Variants in DCX observed in about 807,000 individuals in gnomAD.
The protein encoded by DCX is doublecortin.
DCX carries 4 observed loss-of-function variants against 20.9 expected under a neutral mutation model. That is an observed-to-expected ratio of 0.19 (90% confidence interval 0.09 to 0.44). DCX has a LOEUF of 0.44. Ranked by LOEUF, DCX falls within the 20% of genes least tolerant of loss-of-function variation. DCX has a pLI of 0.99. For synonymous variants in DCX, 103 were observed against 111.4 expected (o/e 0.92, Z 0.47); for missense variants, 133 against 296.9 (o/e 0.45, Z 4.06).
rs901802751 is a variant in DCX at position 111,300,177 on chromosome X, G to T, written c.*1510C>A. 3.4e-4 allele frequency: 38 copies of T among 111,808 alleles called. No homozygotes were observed. The highest frequency in any genetic ancestry group is 1.1e-3 in the African/African-American group (35 of 30,699). 9.2% of individuals were successfully genotyped at this position (111,808 alleles called of 1,213,427 possible). ...AAGAAATAAGGAAATCTTCATATCT[G>T]CTAAAAGCAAACACAGAATTGGCAT... On this transcript the variant is annotated 3_prime_UTR_variant, in exon 7 of 7. Transcript: ENST00000636035.
rs756999424 is a variant in DCX at position 111,294,807 on chromosome X, T to G, written c.*6880A>C. Reference sequence around the variant, plus strand: ...CCATGCATTTACTCTCCAAAGCTAGTCACTAGCAAGCTAACACCTCTAACA... The same window carrying G: ...CCATGCATTTACTCTCCAAAGCTAGGCACTAGCAAGCTAACACCTCTAACA... On this transcript the variant is annotated 3_prime_UTR_variant, in exon 7 of 7. Transcript: ENST00000636035. The G allele has an allele frequency of 2.7e-5, 3 of 112,119 alleles. No homozygotes were observed. Among genetic ancestry groups the G allele is most frequent in the Admixed American group, 9.5e-5 (1 of 10,525 alleles). The allele number at this position is 112,119 out of a possible 1,213,427, so 9.2% of individuals were successfully genotyped here. A position where few individuals can be genotyped will look rare whatever the true frequency, so the allele number is the denominator to read the frequency against.
chrX:111,403,888 A>C (rs1377716314), intron 2 of DCX, among the ~76,000 whole-genome samples: 1 of 109,893 alleles, frequency 9.1e-6, no homozygotes, highest in Non-Finnish European at 1.9e-5. Flanking sequence ...TCTACTAAAA[A>C]TACAAAAATT....
intron 3 of DCX, among the ~76,000 whole-genome samples, chrX:111,389,430 T>C (rs1353452776): frequency 1.8e-5 from 2 of 111,456 alleles, no homozygotes; most frequent in African/African-American, 6.5e-5. Flanking sequence ...TAACTACCAT[T>C]GTTTGAAGAT....
rs769473765 is a variant in DCX at position 111,376,891 on chromosome X, AAAT to A, written c.705+24096_705+24098del. 3.6e-5 allele frequency among the ~76,000 whole-genome samples: 4 copies of A among 112,454 alleles called. No homozygotes were observed. The East Asian group carries it at 1.1e-3, about 32-fold the overall frequency. On this transcript the variant is annotated intron_variant, in intron 3 of 6. Transcript: ENST00000636035. ...AGTAGTTAGGGTTGCCAGATTTACCAAATAAAAATACAGGATGCCCAGTTAAAT... is the reference window on the plus strand; with the variant it reads ...AGTAGTTAGGGTTGCCAGATTTACCAAAAAATACAGGATGCCCAGTTAAAT...
At chrX:111,318,265 G>C (rs372056838) in intron 5 of DCX, among the ~76,000 whole-genome samples, 1 of 106,227 alleles carries the variant, frequency 9.4e-6, no homozygotes, top group East Asian at 2.9e-4. Flanking sequence ...CACTGCTAGT[G>C]GGAGTGTAAA....
At chrX:111,336,770 A>G (rs901355988) in intron 3 of DCX, among the ~76,000 whole-genome samples, 1 of 112,248 alleles carries the variant, frequency 8.9e-6, no homozygotes, top group African/African-American at 3.2e-5. Flanking sequence ...AGGAAAATCT[A>G]TATTTGTCCT....
chrX:111,345,661 A>G (rs1044396472), intron 3 of DCX, among the ~76,000 whole-genome samples: 9 of 111,832 alleles, frequency 8.0e-5, no homozygotes, highest in Non-Finnish European at 1.9e-5. Flanking sequence ...ATCACTGATC[A>G]TTAGAGAAAT....
intron 3 of DCX, among the ~76,000 whole-genome samples, chrX:111,334,955 A>G (rs751845864): frequency 2.7e-5 from 3 of 111,937 alleles, no homozygotes; most frequent in Non-Finnish European, 5.6e-5. Context: ...CTAGTAGTGG[A>G]TCCAATGACA....
Position 111,328,705 on chromosome X carries a change from G to A in DCX, c.946+2199C>T, listed in dbSNP as rs935414834. Among the ~76,000 whole-genome samples the A allele has an allele frequency of 2.7e-5, 3 of 111,412 alleles. No individual in the cohort carries two copies. In the Admixed American group the frequency reaches 2.9e-4, roughly 11 times the overall value. ...GAGAAGTGACAGTGTTGGCTATGGA[G>A]ACTAGATCACAAAAGGCAATACATC... On this transcript the variant is annotated intron_variant, in intron 5 of 6. Coordinates refer to ENST00000636035, the MANE Select transcript of DCX (RefSeq NM_001195553.2).
At chrX:111,402,757 T>G (rs368101371) in intron 2 of DCX, among the ~76,000 whole-genome samples, 6 of 107,951 alleles carry the variant, frequency 5.6e-5, no homozygotes, top group East Asian at 2.9e-4. Context: ...TTTATGTGTG[T>G]GTGTATGTGT....
intron 3 of DCX, among the ~76,000 whole-genome samples, chrX:111,395,875 G>A (rs939809871): frequency 8.9e-6 from 1 of 112,352 alleles, no homozygotes; most frequent in Non-Finnish European, 1.9e-5. Flanking sequence ...GGCTCTGAGA[G>A]AGCCGGAGGC....
chrX:111,387,689 A>T (rs946518637), intron 3 of DCX, among the ~76,000 whole-genome samples: 3 of 111,977 alleles, frequency 2.7e-5, no homozygotes, highest in East Asian at 5.6e-4. Context: ...TAAGACCAGA[A>T]ATGTTCTGAC....
At chrX:111,366,929 T>C (rs1256613020) in intron 3 of DCX, among the ~76,000 whole-genome samples, 1 of 111,478 alleles carries the variant, frequency 9.0e-6, no homozygotes, top group Non-Finnish European at 1.9e-5. Context: ...TCCTCCAAAA[T>C]CCAGTAAGAT....
intron 5 of DCX, among the ~76,000 whole-genome samples, chrX:111,316,086 TAAAAAAAAAAAA>T (rs754058802): frequency 9.7e-4 from 49 of 50,630 alleles, no homozygotes; most frequent in African/African-American, 3.5e-3. Context: ...TAATAAAAAA[TAAAAAAAAAAAA>T]AAAAAAAAAA....
chrX:111,338,286 TGAG>T (rs1334906943), intron 3 of DCX, among the ~76,000 whole-genome samples: 2 of 111,520 alleles, frequency 1.8e-5, no homozygotes, highest in Admixed American at 1.9e-4. Flanking sequence ...AGAGTGTCTA[TGAG>T]GAGGAGTGGC....
At chrX:111,410,990 C>G (rs1055051209) in intron 1 of DCX, 1 of 1,166,440 alleles carries the variant, frequency 8.6e-7, no homozygotes, top group Non-Finnish European at 1.2e-6. Context: ...TCCAAGCCCT[C>G]TTTCCTACTC....
chrX:111,334,843 T>C (rs939816244), intron 3 of DCX, among the ~76,000 whole-genome samples: 1 of 111,874 alleles, frequency 8.9e-6, no homozygotes. Flanking sequence ...AGTACTAGGA[T>C]GGGATTATCT....
At chrX:111,386,852 C>T (rs1412978329) in intron 3 of DCX, among the ~76,000 whole-genome samples, 1 of 111,314 alleles carries the variant, frequency 9.0e-6, no homozygotes, top group African/African-American at 3.3e-5. Context: ...TCCCAGAAGC[C>T]TCTCCTGGAA....
chrX:111,341,652 G>A lies in DCX; in HGVS notation c.706-8499C>T, dbSNP rs192408215. 3.6e-3 allele frequency among the ~76,000 whole-genome samples: 402 copies of A among 111,750 alleles called. 3 individuals are homozygous for A. Among genetic ancestry groups the A allele is most frequent in the African/African-American group, 0.012 (381 of 30,728 alleles). ...AAGGCCAGGTCACCTACAGAGGTAA[G>A]CCCATCAGACTAACAGCAGACTTCT... On this transcript the variant is annotated intron_variant, in intron 3 of 6. Coordinates refer to ENST00000636035, the MANE Select transcript of DCX (RefSeq NM_001195553.2).
Sources: allele counts gnomAD v4.1 joint callset (sites outside exome capture counted in the v4.1 genomes callset), GRCh38; gene constraint gnomAD v4.1.1; transcripts MANE v1.5; gene names NCBI Gene and HGNC (gene_info 2026-07-23, HGNC 2026-07-21).